SLIT2: variants seen among roughly 807,000 people sequenced by gnomAD.
The protein encoded by SLIT2 is slit homolog 2 protein.
Under a neutral mutation model 185.7 loss-of-function variants are expected in SLIT2, and 41 were observed. That is an observed-to-expected ratio of 0.22 (90% CI 0.17 to 0.29). The LOEUF (loss-of-function observed/expected upper bound fraction) is 0.29, where lower values mean the gene tolerates loss of function less well. Ranked by LOEUF, SLIT2 falls within the 10% of genes least tolerant of loss-of-function variation. The pLI is 1.00. For missense variants in SLIT2, 1,571 were observed against 1,909.0 expected (o/e 0.82, Z 3.30); for synonymous variants, 693 against 680.2 (o/e 1.02, Z -0.29).
At chr4:20,385,041 C>A (rs1356374929) in intron 4 of SLIT2, among the ~76,000 whole-genome samples, 2 of 152,144 alleles carry the variant, frequency 1.3e-5, no homozygotes, top group African/African-American at 2.4e-5. Flanking sequence ...TTCTGACGAT[C>A]TCTTCTTGGG....
chr4:20,490,911 G>T (rs541695680), intron 8 of SLIT2: 2 of 926,394 alleles, frequency 2.2e-6, no homozygotes, highest in South Asian at 1.4e-5. Context: ...GCCTCTTCCT[G>T]GCACGTCACC....
At chr4:20,287,837 A>T (rs1715414838) in intron 4 of SLIT2, among the ~76,000 whole-genome samples, 1 of 152,214 alleles carries the variant, frequency 6.6e-6, no homozygotes, top group Admixed American at 6.5e-5. Context: ...GAGGCTGGAT[A>T]AATACTTGCT....
chr4:20,378,042 G>A (rs1196499402), intron 4 of SLIT2, among the ~76,000 whole-genome samples: 1 of 152,080 alleles, frequency 6.6e-6, no homozygotes, highest in African/African-American at 2.4e-5. Flanking sequence ...TGGATATAAT[G>A]TCATTATGAT....
chr4:20,474,069 G>A (rs989939878), intron 5 of SLIT2, among the ~76,000 whole-genome samples: 1 of 152,134 alleles, frequency 6.6e-6, no homozygotes, highest in African/African-American at 2.4e-5. Flanking sequence ...CTCATTTATA[G>A]GGATTGCTAT....
chr4:20,552,036 G>A (rs546131489), intron 25 of SLIT2, among the ~76,000 whole-genome samples: 1 of 152,238 alleles, frequency 6.6e-6, no homozygotes, highest in African/African-American at 2.4e-5. Context: ...GTCCAGGAAG[G>A]CAGAGCCTTT....
At position 20,619,274 on chromosome 4, in the gene SLIT2, G is replaced by A. The variant is rs1418872616; in HGVS notation, c.*265G>A. 6 of 303,548 alleles carry A rather than the reference G, an allele frequency of 2.0e-5. No individual in the cohort carries two copies. Among genetic ancestry groups the A allele is most frequent in the African/African-American group, 6.5e-5 (3 of 46,298 alleles). The allele number at this position is 303,548 out of a possible 1,614,324, so 18.8% of individuals were successfully genotyped here. A position where few individuals can be genotyped will look rare whatever the true frequency, so the allele number is the denominator to read the frequency against. On this transcript the variant is annotated 3_prime_UTR_variant, in exon 37 of 37. Transcript: ENST00000504154. ...ACAGCGATGGGAACCATTGCAACTC[G>A]GGTCCATCTTTGTAACATGCTGAAG...
At chr4:20,493,604 G>A (rs1717978220) in intron 9 of SLIT2, among the ~76,000 whole-genome samples, 1 of 152,208 alleles carries the variant, frequency 6.6e-6, no homozygotes, top group East Asian at 1.9e-4. Context: ...GTTAACTAGA[G>A]TCAGAAAGTT....
intron 4 of SLIT2, among the ~76,000 whole-genome samples, chr4:20,285,088 G>T (rs185414825): frequency 1.3e-4 from 20 of 152,298 alleles, no homozygotes; most frequent in Admixed American, 5.2e-4. Flanking sequence ...TGTACAAGGG[G>T]TGGAGAAGAA....
Position 20,612,484 on chromosome 4 carries a change from C to T in SLIT2, c.3847+2317C>T, listed in dbSNP as rs965224487. On this transcript the variant is annotated intron_variant, in intron 34 of 36. Transcript: ENST00000504154. Reference sequence around the variant, plus strand: ...GATCACCATGGGCCCACTTTCTCCCCGCTTAGAGTGCAGTCTCAAGGGTGA... The same window carrying T: ...GATCACCATGGGCCCACTTTCTCCCTGCTTAGAGTGCAGTCTCAAGGGTGA... 5.3e-5 allele frequency among the ~76,000 whole-genome samples: 8 copies of T among 152,082 alleles called. No individual in the cohort carries two copies. The South Asian group carries it at 1.0e-3, about 20-fold the overall frequency.
intron 4 of SLIT2, among the ~76,000 whole-genome samples, chr4:20,273,638 T>C (rs16869457): frequency 0.038 from 5,768 of 152,208 alleles, 275 homozygotes; most frequent in East Asian, 0.1. Context: ...TCAGTAGACA[T>C]AACACAATCA....
At chr4:20,600,278 T>G (rs1728303482) in intron 33 of SLIT2, among the ~76,000 whole-genome samples, 1 of 152,124 alleles carries the variant, frequency 6.6e-6, no homozygotes, top group Non-Finnish European at 1.5e-5. Context: ...TCTAAATACT[T>G]TGTAGAAACC....
chr4:20,388,587 A>C (rs1274428491), intron 4 of SLIT2, among the ~76,000 whole-genome samples: 1 of 151,832 alleles, frequency 6.6e-6, no homozygotes, highest in Non-Finnish European at 1.5e-5. Flanking sequence ...CAGCCTGGCC[A>C]ACATGGCAAA....
At chr4:20,455,104 A>ATATG (rs1491383130) in intron 4 of SLIT2, among the ~76,000 whole-genome samples, 1 of 152,190 alleles carries the variant, frequency 6.6e-6, no homozygotes, top group African/African-American at 2.4e-5. Context: ...ATGGATACAC[A>ATATG]TATGTGGTGA....
chr4:20,492,499 T>A (rs954265632), intron 9 of SLIT2, among the ~76,000 whole-genome samples: 1 of 152,232 alleles, frequency 6.6e-6, no homozygotes, highest in Non-Finnish European at 1.5e-5. Flanking sequence ...AGCTGCTGAA[T>A]GCATTTCTAT....
chr4:20,541,542 C>A lies in SLIT2; in HGVS notation c.2066C>A (p.Pro689His), dbSNP rs1432862843. 6.2e-7 allele frequency: 1 copy of A among 1,613,858 alleles called. No individual in the cohort carries two copies. The highest frequency in any genetic ancestry group is 8.5e-7 in the Non-Finnish European group (1 of 1,179,826). The change falls in exon 20 of 37, where the codon CCT becomes CAT. Residue 689 changes from proline (P) to histidine (H), a missense_variant. This residue lies in a region of SLIT2 where 1,202 missense variants were observed against 1,416.4 expected (regional missense o/e 0.85). Coordinates refer to ENST00000504154, the MANE Select transcript of SLIT2 (RefSeq NM_004787.4). ...AAGAAGAGAATTGTCACGGGAAATC[C>A]TAGATGTCAAAAACCATACTTCCTG... Reference protein sequence around the residue: ...LRKKRIVTGNPRCQKPYFLKE... With the variant: ...LRKKRIVTGNHRCQKPYFLKE...
intron 4 of SLIT2, 79 bp downstream of exon 4, chr4:20,268,960 G>T (rs1713317970): frequency 2.3e-6 from 2 of 873,064 alleles, no homozygotes; most frequent in Non-Finnish European, 2.0e-6. Context: ...CTGTTTGTGT[G>T]TGCTTTCCTG....
chr4:20,363,661 A>G (rs1722903188), intron 4 of SLIT2, among the ~76,000 whole-genome samples: 1 of 152,138 alleles, frequency 6.6e-6, no homozygotes, highest in Non-Finnish European at 1.5e-5. Context: ...CCACCAAAAG[A>G]GAAATCTAGG....
chr4:20,518,408 A>G (rs1228158855), intron 11 of SLIT2, among the ~76,000 whole-genome samples: 1 of 140,408 alleles, frequency 7.1e-6, no homozygotes, highest in East Asian at 2.1e-4. Flanking sequence ...GCCCACCACC[A>G]TGCCTGGCTA....
chr4:20,388,773 CA>C (rs1725132904), intron 4 of SLIT2, among the ~76,000 whole-genome samples: 2 of 97,318 alleles, frequency 2.1e-5, no homozygotes, highest in Admixed American at 2.3e-4. Flanking sequence ...GACTCCGTCT[CA>C]GGGGAAAAAA....
Sources: gnomAD v4.1 joint callset for allele counts (sites outside exome capture counted in the v4.1 genomes callset) on GRCh38, gnomAD v4.1.1 for gene constraint, gnomAD v4.1.1 regional missense constraint, MANE v1.5 for transcripts, NCBI Gene and HGNC (gene_info 2026-07-23, HGNC 2026-07-21) for gene names.